POLB: variants seen among roughly 807,000 people sequenced by gnomAD.
The protein encoded by POLB is 5'-dRP lyase.
In POLB, 37 loss-of-function variants were observed where a neutral mutation model predicts 52.7. The observed-to-expected ratio is 0.70, with a 90% CI of 0.54 to 0.92. The LOEUF is 0.92. POLB is among the 40% of genes least tolerant of loss of function. The pLI, the probability that POLB is intolerant of heterozygous loss-of-function variation, is 0.00. For synonymous variants in POLB, 138 were observed against 131.3 expected (o/e 1.05, Z -0.35); for missense variants, 313 against 400.8 (o/e 0.78, Z 1.87).
chr8:42,357,701 A>T, intron 9 of POLB: 1 of 245,602 alleles, frequency 4.1e-6, no homozygotes, highest in Non-Finnish European at 7.6e-6. Flanking sequence ...AGTTGTGGGT[A>T]GTTTTGTTAA....
Position 42,357,231 on chromosome 8 carries a change from GTGTCAAATTATAT to G in POLB, c.477+10_477+22del. ...GAGATGTTACAAATGCAAGTAAGAT[GTGTCAAATTATAT>G]TCTTTGATTAGAATTGAGAGTGTCA... On this transcript the variant is annotated intron_variant, in intron 8 of 13. Coordinates refer to ENST00000265421, the MANE Select transcript of POLB (RefSeq NM_002690.3). The G allele has an allele frequency of 6.5e-7, 1 of 1,539,076 alleles. No individual in the cohort carries two copies. Among genetic ancestry groups the G allele is most frequent in the South Asian group, 1.1e-5 (1 of 88,714 alleles).
intron 2 of POLB, among the ~76,000 whole-genome samples, chr8:42,343,537 A>G (rs1454613485): frequency 6.6e-6 from 1 of 150,500 alleles, no homozygotes; most frequent in Non-Finnish European, 1.5e-5. Flanking sequence ...TAACATAGGT[A>G]TCCATAAGCA....
At chr8:42,345,288 C>A (rs576592256) in intron 3 of POLB, among the ~76,000 whole-genome samples, 2 of 152,154 alleles carry the variant, frequency 1.3e-5, no homozygotes, top group African/African-American at 2.4e-5. Context: ...CATGTACTCA[C>A]GTTGAATTTC....
In POLB at chr8:42,353,910, T is replaced by G. The variant is rs3136751; in HGVS notation, c.370+1342T>G. 1.7e-3 allele frequency among the ~76,000 whole-genome samples: 239 copies of G among 144,072 alleles called. 3 individuals are homozygous for G. Among genetic ancestry groups the G allele is most frequent in the Admixed American group, 4.2e-3 (61 of 14,402 alleles). The allele number at this position is 144,072 out of a possible 152,430, so 94.5% of individuals were successfully genotyped here. A position where few individuals can be genotyped will look rare whatever the true frequency, so the allele number is the denominator to read the frequency against. On this transcript the variant is annotated intron_variant, in intron 6 of 13. Coordinates refer to ENST00000265421, the MANE Select transcript of POLB (RefSeq NM_002690.3). ...GTACTACTTAAAAATGGTAACCAAC[T>G]CTTATGAGGCATGATTAGTAGTATT...
At chr8:42,360,346 C>T (rs886910027) in intron 9 of POLB, among the ~76,000 whole-genome samples, 1 of 152,084 alleles carries the variant, frequency 6.6e-6, no homozygotes, top group Non-Finnish European at 1.5e-5. Context: ...GGGAGGATCG[C>T]AAAGACACTG....
chr8:42,338,837 T>A, intron 1 of POLB, 152 bp downstream of exon 1: 1 of 976,840 alleles, frequency 1.0e-6, no homozygotes, highest in African/African-American at 1.6e-5. Flanking sequence ...CGCCCCTGGC[T>A]GGTTGTCAGT....
chr8:42,344,987 A>G lies in POLB; in HGVS notation c.154A>G (p.Lys52Glu), dbSNP rs111586415. The G allele has an allele frequency of 6.2e-7, 1 of 1,609,840 alleles. No individual in the cohort carries two copies. Among genetic ancestry groups the G allele is most frequent in the Admixed American group, 1.7e-5 (1 of 59,990 alleles). The change falls in exon 3 of 14, where the codon AAA becomes GAA. Residue 52 changes from lysine (K) to glutamate (E), a missense_variant. This residue lies in a region of POLB where 13 missense variants were observed against 39.8 expected (regional missense o/e 0.33). Transcript: ENST00000265421. Reference protein sequence around the residue: ...AASVIAKYPHKIKSGAEAKKL... With the variant: ...AASVIAKYPHEIKSGAEAKKL... ...ATCTGTTATAGCAAAATACCCACAC[A>G]AAATAAAGAGTGGAGCTGAAGCTAA... is the stretch of plus-strand genomic sequence containing the variant.
At chr8:42,339,166 A>G in intron 2 of POLB, 97 bp downstream of exon 2, 1 of 948,402 alleles carries the variant, frequency 1.1e-6, no homozygotes, top group Non-Finnish European at 1.7e-6. Flanking sequence ...TATTTGGTCC[A>G]TCTGCAAGAG....
chr8:42,357,362 A>G lies in POLB; in HGVS notation c.520A>G (p.Ile174Val), dbSNP rs754219754. Reference protein sequence around the residue: ...NEVKKVDSEYIATVCGSFRRG... With the variant: ...NEVKKVDSEYVATVCGSFRRG... ...AGTTAAAAAAGTGGATTCTGAATAC[A>G]TTGCTACAGTCTGTGGCAGTTTCAG... The change falls in exon 9 of 14, where the codon ATT becomes GTT. Residue 174 changes from isoleucine to valine, a missense_variant. This residue lies in a region of POLB where 246 missense variants were observed against 297.6 expected (regional missense o/e 0.83). Coordinates refer to ENST00000265421, the MANE Select transcript of POLB (RefSeq NM_002690.3). 11 of 1,579,666 alleles carry G rather than the reference A, an allele frequency of 7.0e-6. No individual in the cohort carries two copies. In the South Asian group the frequency reaches 1.0e-4, roughly 14 times the overall value.
In POLB at chr8:42,350,042, C is replaced by G. The variant is rs1458551378; in HGVS notation, c.297C>G (p.Phe99Leu). The G allele has an allele frequency of 1.2e-6, 2 of 1,607,794 alleles. No homozygotes were observed. The highest frequency in any genetic ancestry group is 1.7e-6 in the Non-Finnish European group (2 of 1,174,498). The change falls in exon 5 of 14, where the codon TTC becomes TTG. Residue 99 changes from phenylalanine to leucine, a missense_variant. Physicochemically the swap from Phe to Leu is conservative, Grantham distance 22. This residue lies in a region of POLB where 246 missense variants were observed against 297.6 expected (regional missense o/e 0.83). Coordinates refer to ENST00000265421, the MANE Select transcript of POLB (RefSeq NM_002690.3). ...RQDDTSSSINFLTRVSGIGPS... is the reference protein window; with the variant it reads ...RQDDTSSSINLLTRVSGIGPS... ...ATGATACGAGTTCATCCATCAATTT[C>G]CTGACTCGAGTTAGTGGCATTGGGT...
intron 3 of POLB, among the ~76,000 whole-genome samples, chr8:42,347,982 T>C (rs1191869107): frequency 6.6e-6 from 1 of 152,170 alleles, no homozygotes; most frequent in Non-Finnish European, 1.5e-5. Context: ...TCAATTTTAC[T>C]GATACCAAAG....
intron 6 of POLB, among the ~76,000 whole-genome samples, chr8:42,353,465 A>G (rs1183687081): frequency 6.6e-6 from 1 of 152,182 alleles, no homozygotes; most frequent in Non-Finnish European, 1.5e-5. Context: ...AAGCTAAGTT[A>G]TATATTACTG....
rs554257288 is a variant in POLB, at chr8:42,345,044, G to C, written c.186+25G>C. ...GGTAAGTTTAGTTAGCATGTTGATC[G>C]AAGAGTTCACACGTGTCCAAATTTG... On this transcript the variant is annotated intron_variant, in intron 3 of 13. Coordinates refer to ENST00000265421, the MANE Select transcript of POLB (RefSeq NM_002690.3). 6 of 1,549,082 alleles carry C rather than the reference G, an allele frequency of 3.9e-6. 1 individual carries two copies. In the Admixed American group the frequency reaches 1.0e-4, roughly 26 times the overall value.
intron 3 of POLB, among the ~76,000 whole-genome samples, chr8:42,347,261 CAGTAATTCTAGAAATTATT>C (rs1161984124): frequency 6.7e-6 from 1 of 149,500 alleles, no homozygotes; most frequent in East Asian, 2.0e-4. Context: ...AATTACTCCT[CAGTAATTCTAGAAATTATT>C]CTAGAATTAC....
intron 3 of POLB, among the ~76,000 whole-genome samples, chr8:42,348,144 G>T: frequency 6.6e-6 from 1 of 152,150 alleles, no homozygotes. Flanking sequence ...TATATCGTTT[G>T]ACCTAGCAAT....
At chr8:42,342,852 T>C (rs540817167) in intron 2 of POLB, among the ~76,000 whole-genome samples, 2 of 151,938 alleles carry the variant, frequency 1.3e-5, no homozygotes, top group East Asian at 1.9e-4. Flanking sequence ...TAAATTGATA[T>C]AGGGACATAA....
At chr8:42,345,887 T>G (rs1221040812) in intron 3 of POLB, among the ~76,000 whole-genome samples, 2 of 152,228 alleles carry the variant, frequency 1.3e-5, no homozygotes. Context: ...CATATCTTAT[T>G]CATCTTTTGT....
chr8:42,344,688 G>A (rs575818802), intron 2 of POLB, among the ~76,000 whole-genome samples: 3 of 150,824 alleles, frequency 2.0e-5, no homozygotes, highest in South Asian at 4.2e-4. Flanking sequence ...AAGAAGGCGC[G>A]CCTGTAGTCC....
chr8:42,348,841 C>A (rs907722783), intron 3 of POLB, among the ~76,000 whole-genome samples, 175 bp from the exon 4 acceptor site: 1 of 152,154 alleles, frequency 6.6e-6, no homozygotes, highest in Non-Finnish European at 1.5e-5. Flanking sequence ...TTCATGTAAG[C>A]ATTCTGTCTT....
Sources: allele counts gnomAD v4.1 joint callset (sites outside exome capture counted in the v4.1 genomes callset), GRCh38; gene constraint gnomAD v4.1.1; regional missense constraint gnomAD v4.1.1; transcripts MANE v1.5; gene names NCBI Gene and HGNC (gene_info 2026-07-23, HGNC 2026-07-21).